Variants in DACT3 observed in about 807,000 individuals in gnomAD.
DACT3 encodes the protein dapper homolog 3.
In DACT3, 5 loss-of-function variants were observed where a neutral mutation model predicts 19.6. The ratio of observed to expected loss-of-function variants is 0.26; its 90% confidence interval spans 0.13 to 0.54. The LOEUF (loss-of-function observed/expected upper bound fraction) is 0.54. Ranked by LOEUF, DACT3 falls within the 20% of genes least tolerant of loss-of-function variation. The pLI, the probability that DACT3 is intolerant of heterozygous loss-of-function variation, is 0.95. For synonymous variants in DACT3, 454 were observed against 428.1 expected, an observed-to-expected ratio of 1.06 and a Z score of -0.75; for missense variants, 908 against 927.4, an observed-to-expected ratio of 0.98 and a Z score of 0.27.
In DACT3 at chr19:46,648,851, T is replaced by C. The variant is rs927652781; in HGVS notation, c.1521A>G (p.Ser507=). ...CGTAAAGCAGACGACGCTGGGGAGC[T>C]GACGGGGACGGGCCGGGGCCGGGAA... ...ARVPGPGPSP[S]APQRRLLYGC... is the part of the protein sequence containing the mutation. The change falls in exon 4 of 4, where the codon TCA becomes TCG. Residue 507 remains serine, a synonymous_variant. Transcript: ENST00000391916. The surrounding 1 kb of genome is among the most constrained non-coding windows in gnomAD (Gnocchi z 5.1). The C allele has an allele frequency of 2.4e-5, 35 of 1,460,844 alleles. No homozygotes were observed. In the African/African-American group the frequency reaches 5.2e-4, roughly 22 times the overall value. The allele number at this position is 1,460,844 out of a possible 1,614,324, so 90.5% of individuals were successfully genotyped here.
At chr19:46,659,625 C>A (rs1257030126) in intron 1 of DACT3, 1 of 175,646 alleles carries the variant, frequency 5.7e-6, no homozygotes, top group Non-Finnish European at 1.1e-5. Context: ...GGGCGTGCAG[C>A]CCCGGGAGCC....
Position 46,649,342 on chromosome 19 carries a change from AG to A in DACT3, c.1029del (p.Ser344HisfsTer12), listed in dbSNP as rs1456842567. 9.8e-6 allele frequency: 12 copies of A among 1,226,180 alleles called. No homozygotes were observed. Among genetic ancestry groups the A allele is most frequent in the South Asian group, 4.7e-5 (2 of 42,306 alleles). The allele number at this position is 1,226,180 out of a possible 1,614,324, so 76.0% of individuals were successfully genotyped here. Reference sequence around the variant, plus strand: ...CCCTCAGCCGGGCTGTCGGGGGGTGAGGGGGCGGCGGGCGGCGCAGCGGGCT... The same window carrying A: ...CCCTCAGCCGGGCTGTCGGGGGGTGAGGGGCGGCGGGCGGCGCAGCGGGCT... ...APEPAAPPAAPSPPDSPAEGR... is the reference protein window; with the variant it reads ...APEPAAPPAAXSPPDSPAEGR... On this transcript the variant is annotated frameshift_variant, in exon 4 of 4. Transcript: ENST00000391916. LOFTEE classifies it low-confidence loss of function (END_TRUNC).
At position 46,653,020 on chromosome 19, in the gene DACT3, A is replaced by C. The variant is rs1322174117; in HGVS notation, c.305T>G (p.Leu102Arg). ...DLGQQLGDLS[L>R]ESGGLEQESG... ...CTCCTGTTCCAGGCCCCCAGACTCC[A>C]GGCTCAGGTCTCCCAGCTGCTGTCC... The change falls in exon 2 of 4, where the codon CTG (leucine) becomes CGG (arginine). Residue 102 changes from leucine to arginine, a missense_variant. By Grantham distance (102) the Leu-to-Arg change is moderately radical. Around this residue, in one of 2 missense-constraint regions of DACT3, gnomAD observed 252 missense variants for 325.6 expected, o/e 0.77. Coordinates refer to ENST00000391916, the MANE Select transcript of DACT3 (RefSeq NM_145056.3). 6.4e-7 allele frequency: 1 copy of C among 1,551,422 alleles called. No individual in the cohort carries two copies. Among genetic ancestry groups the C allele is most frequent in the Non-Finnish European group, 8.7e-7 (1 of 1,146,948 alleles).
chr19:46,649,219 C>T lies in DACT3; in HGVS notation c.1153G>A (p.Gly385Ser). ...GGTGGTGACTGCTCCACGCTGCGGCCGCGGGTCAGTGGCGGCGGTTTGCGG... is the reference window on the plus strand; with the variant it reads ...GGTGGTGACTGCTCCACGCTGCGGCTGCGGGTCAGTGGCGGCGGTTTGCGG... ...ARRKPPPLTR[G>S]RSVEQSPPRE... The change falls in exon 4 of 4, where the codon GGC becomes AGC. Residue 385 changes from glycine (G) to serine (S), a missense_variant. By Grantham distance (56) the Gly-to-Ser change is moderately conservative. Around this residue, in one of 2 missense-constraint regions of DACT3, gnomAD observed 656 missense variants for 601.8 expected, o/e 1.09. Transcript: ENST00000391916. The T allele has an allele frequency of 8.3e-7, 1 of 1,200,142 alleles. No homozygotes were observed. The highest frequency in any genetic ancestry group is 1.0e-6 in the Non-Finnish European group (1 of 969,928). 74.3% of individuals were successfully genotyped at this position (1,200,142 alleles called of 1,614,324 possible). A position where few individuals can be genotyped will look rare whatever the true frequency, so the allele number is the denominator to read the frequency against.
Position 46,660,891 on chromosome 19 carries a change from C to T in DACT3, c.174G>A (p.Glu58=), listed in dbSNP as rs560978615. Residue 58 remains glutamate, a synonymous_variant, in exon 1 of 4, where the codon GAG becomes GAA. Transcript: ENST00000391916. The surrounding 1 kb of genome is among the most constrained non-coding windows in gnomAD (Gnocchi z 4.9). Reference sequence around the variant, plus strand: ...CATCCTCATCGGCGTCCTCCTCGTCCTCGGCCTCGGCGCCCCCCATTCCGG... The same window carrying T: ...CATCCTCATCGGCGTCCTCCTCGTCTTCGGCCTCGGCGCCCCCCATTCCGG... ...AQPGMGGAEA[E]DEEDADEDED... 2.8e-4 allele frequency: 424 copies of T among 1,536,498 alleles called. No homozygotes were observed. The African/African-American group carries it at 4.6e-3, about 17-fold the overall frequency.
Position 46,652,727 on chromosome 19 carries a change from G to A in DACT3, c.432C>T (p.Ser144=). The A allele has an allele frequency of 6.4e-7, 1 of 1,551,612 alleles. No individual in the cohort carries two copies. Among genetic ancestry groups the A allele is most frequent in the Middle Eastern group, 1.7e-4 (1 of 5,984 alleles). Residue 144 remains serine, a synonymous_variant, in exon 3 of 4, where the codon AGC becomes AGT. Transcript: ENST00000391916. The part of the protein sequence containing the change: ...FCGDSGFSGS[S]SYGRLGPSEP... Reference sequence around the variant, plus strand: ...CAGAGGGACCCAGGCGACCATAGGAGCTGGATCCAGAGAAGCCACTGTCCC... The same window carrying A: ...CAGAGGGACCCAGGCGACCATAGGAACTGGATCCAGAGAAGCCACTGTCCC...
chr19:46,648,743 C>T lies in DACT3; in HGVS notation c.1629G>A (p.Gly543=), dbSNP rs752932724. ...GRRGPAGGVG[G]GYGESESSAS... is the part of the protein sequence containing the mutation. ...CGCTCGATTCGCTCTCCCCGTAACC[C>T]CCGCCGACGCCTCCCGCAGGCCCCC... The change falls in exon 4 of 4, where the codon GGG becomes GGA. Residue 543 remains glycine, a synonymous_variant. Transcript: ENST00000391916. The surrounding 1 kb of genome is among the most constrained non-coding windows in gnomAD (Gnocchi z 5.1). The T allele has an allele frequency of 1.3e-6, 2 of 1,585,580 alleles. No homozygotes were observed. The highest frequency in any genetic ancestry group is 1.3e-5 in the African/African-American group (1 of 74,452).
At chr19:46,650,068 T>TGTAAA in intron 3 of DACT3, 196 bp from the exon 4 acceptor site, 3 of 472,458 alleles carry the variant, frequency 6.3e-6, no homozygotes, top group Non-Finnish European at 9.7e-6. Context: ...TACAAGACCC[T>TGTAAA]GCGTGACTTG....
Position 46,648,428 on chromosome 19 carries a change from G to A in DACT3, c.*54C>T. 1 of 1,612,126 alleles carries A rather than the reference G, an allele frequency of 6.2e-7. No homozygotes were observed. Among genetic ancestry groups the A allele is most frequent in the Non-Finnish European group, 8.5e-7 (1 of 1,178,842 alleles). The stretch of plus-strand genomic sequence containing the variant: ...GGTAGATGTGGAAGGGTCAGTGGTT[G>A]GGAGTGTGGAGGTGCAGAGGCCATG... On this transcript the variant is annotated 3_prime_UTR_variant, in exon 4 of 4. Transcript: ENST00000391916. This position sits in a 1 kb window ranked among gnomAD's most constrained non-coding sequence, Gnocchi z 5.1.
intron 3 of DACT3, chr19:46,650,445 G>C (rs1568695558): frequency 7.0e-6 from 1 of 143,070 alleles, no homozygotes; most frequent in Non-Finnish European, 1.5e-5. Context: ...ACAGGTTCTT[G>C]CTTGCTCTGT....
intron 1 of DACT3, among the ~76,000 whole-genome samples, chr19:46,657,204 G>A (rs1012514539): frequency 9.9e-5 from 15 of 152,054 alleles, no homozygotes; most frequent in African/African-American, 3.6e-4. Context: ...GCGTGACTTG[G>A]CATCACATTA....
intron 1 of DACT3, among the ~76,000 whole-genome samples, chr19:46,659,873 A>C (rs1453033951): frequency 1.3e-5 from 2 of 152,164 alleles, no homozygotes; most frequent in Non-Finnish European, 2.9e-5. Context: ...GCAGACAGGC[A>C]GGAAGGGAAG....
rs1158061951 is a variant in DACT3, at chr19:46,649,507, G to A, written c.865C>T (p.Pro289Ser). 2 of 1,095,484 alleles carry A rather than the reference G, an allele frequency of 1.8e-6. No homozygotes were observed. The highest frequency in any genetic ancestry group is 2.2e-6 in the Non-Finnish European group (2 of 903,038). 67.9% of individuals were successfully genotyped at this position (1,095,484 alleles called of 1,614,324 possible). Residue 289 changes from proline to serine, a missense_variant, in exon 4 of 4, where the codon CCG becomes TCG. By Grantham distance (74) the Pro-to-Ser change is moderately conservative. This residue lies in a region of DACT3 where 656 missense variants were observed against 601.8 expected (regional missense o/e 1.09). Coordinates refer to ENST00000391916, the MANE Select transcript of DACT3 (RefSeq NM_145056.3). ...CCGGGGGACGGAGACGCGTCGGGCG[G>A]CCGCTGGCGCACGCTGTTCTGGCGC... ...PRRQNSVRQR[P>S]PDASPSPGSA...
intron 1 of DACT3, among the ~76,000 whole-genome samples, chr19:46,656,964 G>T (rs2053038006): frequency 6.6e-6 from 1 of 152,192 alleles, no homozygotes; most frequent in African/African-American, 2.4e-5. Context: ...CACTTTGACT[G>T]GCATAGTCTC....
At position 46,649,656 on chromosome 19, in the gene DACT3, G is replaced by A. The variant is rs2052961591; in HGVS notation, c.716C>T (p.Ser239Leu). 1.7e-6 allele frequency: 2 copies of A among 1,160,320 alleles called. No homozygotes were observed. Among genetic ancestry groups the A allele is most frequent in the Non-Finnish European group, 2.1e-6 (2 of 943,258 alleles). 71.9% of individuals were successfully genotyped at this position (1,160,320 alleles called of 1,614,324 possible). ...CCGCCCTGCGCCCCCCGCGTCGGGC[G>A]AGTCGGTGGGAGGGCGGCCGCAGGG... is the stretch of plus-strand genomic sequence containing the variant. Reference protein sequence around the residue: ...PRPCGRPPTDSPDAGGAGRPL... With the variant: ...PRPCGRPPTDLPDAGGAGRPL... The change falls in exon 4 of 4, where the codon TCG becomes TTG. Residue 239 changes from serine to leucine, a missense_variant. Around this residue, in one of 2 missense-constraint regions of DACT3, gnomAD observed 656 missense variants for 601.8 expected, o/e 1.09. Coordinates refer to ENST00000391916, the MANE Select transcript of DACT3 (RefSeq NM_145056.3).
rs1391277847 is a variant in DACT3, at chr19:46,660,508, C to T, written c.249+308G>A. 2 of 358,956 alleles carry T rather than the reference C, an allele frequency of 5.6e-6. No homozygotes were observed. The highest frequency in any genetic ancestry group is 5.5e-5 in the South Asian group (1 of 18,084). The allele number at this position is 358,956 out of a possible 1,614,324, so 22.2% of individuals were successfully genotyped here. A position where few individuals can be genotyped will look rare whatever the true frequency, so the allele number is the denominator to read the frequency against. ...GCAAGAAGACAACGCCTGCAAAGTACCCGGTCTCGGGTTTGACACATACTT... is the reference window on the plus strand; with the variant it reads ...GCAAGAAGACAACGCCTGCAAAGTATCCGGTCTCGGGTTTGACACATACTT... On this transcript the variant is annotated intron_variant, in intron 1 of 3. Transcript: ENST00000391916. The surrounding 1 kb of genome is among the most constrained non-coding windows in gnomAD (Gnocchi z 4.9).
At chr19:46,654,209 G>A (rs905518614) in intron 1 of DACT3, 222 of 985,230 alleles carry the variant, frequency 2.3e-4, no homozygotes, top group Non-Finnish European at 2.4e-4. Context: ...GAGTCAGGCC[G>A]GGCGCAGTGG....
intron 3 of DACT3, 139 bp downstream of exon 3, chr19:46,652,521 A>G: frequency 1.1e-6 from 1 of 950,848 alleles, no homozygotes; most frequent in Non-Finnish European, 1.5e-6. Flanking sequence ...CCCAGAAATA[A>G]GAGACCTGCT....
intron 1 of DACT3, among the ~76,000 whole-genome samples, chr19:46,656,099 C>T (rs142489433): frequency 0.018 from 2,764 of 150,096 alleles, 38 homozygotes; most frequent in South Asian, 0.057. Flanking sequence ...CTAGCTCTAC[C>T]GCTCAGGCTG....
Sources: gnomAD v4.1 joint callset for allele counts (sites outside exome capture counted in the v4.1 genomes callset) on GRCh38, gnomAD v4.1.1 for gene constraint, gnomAD v4.1.1 regional missense constraint, Gnocchi (gnomAD v3.1) non-coding constraint, MANE v1.5 for transcripts, NCBI Gene and HGNC (gene_info 2026-07-23, HGNC 2026-07-21) for gene names.